Variants in PELI2 observed in about 807,000 individuals in gnomAD.
PELI2 encodes the protein E3 ubiquitin-protein ligase pellino homolog 2.
PELI2 carries 23 observed loss-of-function variants against 42.3 expected under a neutral mutation model. That is an observed-to-expected ratio of 0.54 (90% CI 0.39 to 0.77). PELI2 has a LOEUF of 0.77. PELI2 is among the 30% of genes least tolerant of loss of function. PELI2 has a pLI of 0.00. For synonymous variants in PELI2, 245 were observed against 212.2 expected (o/e 1.15, Z -1.34); for missense variants, 463 against 553.2 (o/e 0.84, Z 1.64).
chr14:56,278,018 A>G (rs1464422202), intron 2 of PELI2, among the ~76,000 whole-genome samples: 3 of 152,160 alleles, frequency 2.0e-5, no homozygotes, highest in Non-Finnish European at 4.4e-5. Flanking sequence ...TTTGTACACT[A>G]TAGACATTTT....
chr14:56,194,615 G>A (rs994717972), intron 2 of PELI2, among the ~76,000 whole-genome samples: 3 of 152,304 alleles, frequency 2.0e-5, no homozygotes, highest in East Asian at 1.9e-4. Context: ...TGAAGGTAAT[G>A]TGGAACCCTC....
intron 2 of PELI2, among the ~76,000 whole-genome samples, chr14:56,265,834 A>G (rs906233990): frequency 2.0e-5 from 3 of 152,084 alleles, no homozygotes; most frequent in Non-Finnish European, 4.4e-5. Flanking sequence ...ATATTTACAT[A>G]TGAAAATATT....
chr14:56,163,876 G>A (rs1270195135), intron 1 of PELI2, among the ~76,000 whole-genome samples: 3 of 152,106 alleles, frequency 2.0e-5, no homozygotes, highest in Non-Finnish European at 4.4e-5. Flanking sequence ...TTGGCACATA[G>A]AAATGCTACT....
rs1886793589 is a variant in PELI2 at position 56,213,743 on chromosome 14, A to G, written c.207+35279A>G. ...AGCAATATTGGTGAGGGGTAGGAAG[A>G]TGCCAGTAAAAAACTTAAGATTATT... On this transcript the variant is annotated intron_variant, in intron 2 of 5. Transcript: ENST00000267460. 3.3e-5 allele frequency among the ~76,000 whole-genome samples: 5 copies of G among 152,182 alleles called. No homozygotes were observed. The South Asian group carries it at 1.0e-3, about 32-fold the overall frequency.
chr14:56,221,126 A>G (rs1456709793), intron 2 of PELI2, among the ~76,000 whole-genome samples: 1 of 152,200 alleles, frequency 6.6e-6, no homozygotes, highest in Non-Finnish European at 1.5e-5. Context: ...AGACTGCACC[A>G]GAGGCTGTAA....
intron 2 of PELI2, among the ~76,000 whole-genome samples, chr14:56,248,057 A>G (rs916593910): frequency 6.6e-6 from 1 of 152,226 alleles, no homozygotes; most frequent in African/African-American, 2.4e-5. Flanking sequence ...AACTGGCTCC[A>G]GTGTTGATGC....
intron 3 of PELI2, among the ~76,000 whole-genome samples, chr14:56,287,506 T>C (rs1000260448): frequency 9.8e-5 from 15 of 152,350 alleles, no homozygotes; most frequent in Middle Eastern, 6.8e-3. Flanking sequence ...ATTTAGATTT[T>C]ACATTGCATT....
chr14:56,133,237 A>C (rs1883562235), intron 1 of PELI2, among the ~76,000 whole-genome samples: 1 of 152,206 alleles, frequency 6.6e-6, no homozygotes, highest in African/African-American at 2.4e-5. Flanking sequence ...AATTAATGCT[A>C]AAAATCATTT....
At chr14:56,165,977 T>C (rs1329284471) in intron 1 of PELI2, among the ~76,000 whole-genome samples, 1 of 152,188 alleles carries the variant, frequency 6.6e-6, no homozygotes, top group Admixed American at 6.5e-5. Flanking sequence ...TAAATGTAAA[T>C]AGACTAAACT....
At chr14:56,176,776 A>G (rs2139665093) in intron 1 of PELI2, among the ~76,000 whole-genome samples, 1 of 152,362 alleles carries the variant, frequency 6.6e-6, no homozygotes, top group East Asian at 1.9e-4. Flanking sequence ...AGTGAAGGGC[A>G]TACATAGCAA....
chr14:56,218,441 C>G (rs184636368), intron 2 of PELI2, among the ~76,000 whole-genome samples: 3 of 152,294 alleles, frequency 2.0e-5, no homozygotes, highest in Non-Finnish European at 2.9e-5. Context: ...GTGTTGAGAC[C>G]AACATTGTTA....
chr14:56,210,555 G>A (rs1886677882), intron 2 of PELI2, among the ~76,000 whole-genome samples: 1 of 152,180 alleles, frequency 6.6e-6, no homozygotes, highest in Non-Finnish European at 1.5e-5. Context: ...GAATTACCAA[G>A]TGAACAGGAG....
intron 2 of PELI2, among the ~76,000 whole-genome samples, chr14:56,228,962 G>T (rs991015943): frequency 6.6e-6 from 1 of 152,248 alleles, no homozygotes; most frequent in African/African-American, 2.4e-5. Flanking sequence ...TCCCACACCT[G>T]GCTTGGGGGT....
chr14:56,268,664 G>A (rs1244909037), intron 2 of PELI2, among the ~76,000 whole-genome samples: 1 of 152,156 alleles, frequency 6.6e-6, no homozygotes, highest in Non-Finnish European at 1.5e-5. Flanking sequence ...GGGTTGTTCA[G>A]GGTCACTTTC....
chr14:56,141,318 C>T (rs1051385576), intron 1 of PELI2, among the ~76,000 whole-genome samples: 4 of 152,134 alleles, frequency 2.6e-5, no homozygotes, highest in East Asian at 1.9e-4. Flanking sequence ...GTTGTATGTG[C>T]GCCCCTGTGC....
At chr14:56,201,726 A>T (rs1398655134) in intron 2 of PELI2, among the ~76,000 whole-genome samples, 1 of 152,348 alleles carries the variant, frequency 6.6e-6, no homozygotes, top group African/African-American at 2.4e-5. Context: ...ACCAAGATAT[A>T]GTTAGTAGTG....
chr14:56,207,746 A>C (rs1188809115), intron 2 of PELI2, among the ~76,000 whole-genome samples: 26 of 152,204 alleles, frequency 1.7e-4, no homozygotes, highest in Admixed American at 1.6e-3. Context: ...GAAACTGTAA[A>C]GACAGCCGAG....
chr14:56,157,531 T>TC (rs146199009), intron 1 of PELI2, among the ~76,000 whole-genome samples: 2,658 of 152,076 alleles, frequency 0.017, 84 homozygotes, highest in African/African-American at 0.061. Context: ...ATAAAATCAC[T>TC]CCCCCCCAAA....
Position 56,279,783 on chromosome 14 carries a change from A to G in PELI2, c.309+6A>G. The G allele has an allele frequency of 6.8e-7, 1 of 1,478,320 alleles. No individual in the cohort carries two copies. Among genetic ancestry groups the G allele is most frequent in the Admixed American group, 1.9e-5 (1 of 53,656 alleles). 91.6% of individuals were successfully genotyped at this position (1,478,320 alleles called of 1,614,324 possible). On this transcript the variant is annotated splice_donor_region_variant and intron_variant, in intron 3 of 5. Coordinates refer to ENST00000267460, the MANE Select transcript of PELI2 (RefSeq NM_021255.3). Reference sequence around the variant, plus strand: ...AGGATACGGATATGTTTCAGGTAATATTTTTCTTTTTTAATAGAAATTTTA... The same window carrying G: ...AGGATACGGATATGTTTCAGGTAATGTTTTTCTTTTTTAATAGAAATTTTA...
Sources: gnomAD v4.1 joint callset for allele counts (sites outside exome capture counted in the v4.1 genomes callset) on GRCh38, gnomAD v4.1.1 for gene constraint, MANE v1.5 for transcripts, NCBI Gene and HGNC (gene_info 2026-07-23, HGNC 2026-07-21) for gene names.